The following FHIT variants were observed in gnomAD, a reference collection of about 807,000 sequenced individuals.
The protein encoded by FHIT is bis(5'-adenosyl)-triphosphatase.
In FHIT, 19 loss-of-function variants were observed where a neutral mutation model predicts 17.9. The observed-to-expected ratio is 1.06, with a 90% CI of 0.74 to 1.56. The LOEUF is 1.56. FHIT is among the 40% of genes most tolerant of loss of function. FHIT has a pLI of 0.00. For missense variants in FHIT, 248 were observed against 189.2 expected (o/e 1.31, Z -1.82); for synonymous variants, 81 against 69.7 (o/e 1.16, Z -0.81).
At chr3:60,273,911 A>G (rs1290946659) in intron 5 of FHIT, among the ~76,000 whole-genome samples, 2 of 152,218 alleles carry the variant, frequency 1.3e-5, no homozygotes, top group African/African-American at 4.8e-5. Flanking sequence ...AAAGTATCTC[A>G]TCTTTGTGTA....
At chr3:60,966,027 G>A (rs2107515106) in intron 3 of FHIT, among the ~76,000 whole-genome samples, 1 of 152,292 alleles carries the variant, frequency 6.6e-6, no homozygotes, top group East Asian at 1.9e-4. Context: ...GCTATGCCCT[G>A]ACCCTAGAGG....
chr3:60,683,931 A>G (rs2040806695), intron 4 of FHIT, among the ~76,000 whole-genome samples: 1 of 152,082 alleles, frequency 6.6e-6, no homozygotes, highest in African/African-American at 2.4e-5. Flanking sequence ...CATGTTCCTT[A>G]TCTTTTCTTT....
chr3:60,897,354 G>A (rs1203936700), intron 3 of FHIT, among the ~76,000 whole-genome samples: 1 of 152,116 alleles, frequency 6.6e-6, no homozygotes, highest in Non-Finnish European at 1.5e-5. Context: ...TCCTCAACGT[G>A]TAGTAACTTT....
intron 5 of FHIT, among the ~76,000 whole-genome samples, chr3:60,404,140 G>A (rs1701764114): frequency 6.6e-6 from 1 of 152,114 alleles, no homozygotes; most frequent in African/African-American, 2.4e-5. Context: ...CACAACCAAT[G>A]AGAATACTTT....
chr3:60,025,748 AAGAG>A (rs1314790219), intron 5 of FHIT, among the ~76,000 whole-genome samples: 2 of 151,984 alleles, frequency 1.3e-5, no homozygotes, highest in Admixed American at 6.6e-5. Context: ...AAAAAAAAAA[AAGAG>A]AGAGTGAAAA....
chr3:61,149,830 T>C (rs1436225607), intron 2 of FHIT, among the ~76,000 whole-genome samples: 1 of 152,122 alleles, frequency 6.6e-6, no homozygotes, highest in Non-Finnish European at 1.5e-5. Flanking sequence ...CAATGGGCCA[T>C]GATTGTGCCA....
intron 5 of FHIT, among the ~76,000 whole-genome samples, chr3:60,339,299 A>G (rs1254126713): frequency 6.6e-6 from 1 of 152,070 alleles, no homozygotes. Context: ...TTAAAGAGAG[A>G]TTCATTTTGA....
intron 2 of FHIT, among the ~76,000 whole-genome samples, chr3:61,083,224 A>T (rs1383049478): frequency 6.6e-6 from 1 of 152,236 alleles, no homozygotes; most frequent in African/African-American, 2.4e-5. Flanking sequence ...ATGTGACTCA[A>T]AGTTTTTTAG....
chr3:60,426,685 C>T (rs1437351240), intron 5 of FHIT, among the ~76,000 whole-genome samples: 2 of 152,086 alleles, frequency 1.3e-5, no homozygotes, highest in African/African-American at 2.4e-5. Context: ...AATTATTCAC[C>T]GTTTGATCAT....
At position 60,667,876 on chromosome 3, in the gene FHIT, G is replaced by A. The variant is rs1166996622; in HGVS notation, c.-17-130897C>T. On this transcript the variant is annotated intron_variant, in intron 4 of 9. Transcript: ENST00000492590. ...TTCTGCTTGATTAATCTGGTTGCAA[G>A]AGGCCACTGGTTCCTGCCTCTACCC... Among the ~76,000 whole-genome samples, 4 of 152,094 alleles carry A rather than the reference G, an allele frequency of 2.6e-5. No homozygotes were observed. In the East Asian group the frequency reaches 7.8e-4, roughly 30 times the overall value.
intron 2 of FHIT, among the ~76,000 whole-genome samples, chr3:61,187,377 C>G (rs1346107541): frequency 1.3e-5 from 2 of 152,114 alleles, no homozygotes; most frequent in Non-Finnish European, 2.9e-5. Context: ...ACAAGAAGAG[C>G]TAACTATCCT....
At chr3:60,871,537 TC>T (rs1553755034) in intron 3 of FHIT, among the ~76,000 whole-genome samples, 2 of 152,188 alleles carry the variant, frequency 1.3e-5, no homozygotes, top group Non-Finnish European at 2.9e-5. Flanking sequence ...CTTTCCAAGT[TC>T]CAGCCTGTTT....
intron 3 of FHIT, among the ~76,000 whole-genome samples, chr3:60,983,309 G>A (rs985242290): frequency 6.6e-6 from 1 of 152,104 alleles, no homozygotes; most frequent in African/African-American, 2.4e-5. Flanking sequence ...GGAAGGGACG[G>A]AGAACAAGCA....
At chr3:60,453,574 G>A (rs2031889906) in intron 5 of FHIT, among the ~76,000 whole-genome samples, 1 of 152,170 alleles carries the variant, frequency 6.6e-6, no homozygotes, top group Non-Finnish European at 1.5e-5. Flanking sequence ...TATGGGTCAT[G>A]TCTATGCCTT....
intron 5 of FHIT, among the ~76,000 whole-genome samples, chr3:60,129,752 C>T (rs1699453897): frequency 6.6e-6 from 1 of 152,116 alleles, no homozygotes; most frequent in South Asian, 2.1e-4. Flanking sequence ...GATATAAAAC[C>T]CTCTCAGATT....
rs574216946 is a variant in FHIT, at chr3:60,652,317, T to C, written c.-17-115338A>G. ...TATCATTAGTGTTAAAACCTCACTC[T>C]AGGCCAGGCGTGGTAGTTCACGTCT... On this transcript the variant is annotated intron_variant, in intron 4 of 9. Transcript: ENST00000492590. 2.6e-5 allele frequency among the ~76,000 whole-genome samples: 4 copies of C among 152,306 alleles called. No homozygotes were observed. In the South Asian group the frequency reaches 8.3e-4, roughly 32 times the overall value.
At chr3:60,095,950 C>T (rs1052887702) in intron 5 of FHIT, among the ~76,000 whole-genome samples, 2 of 152,096 alleles carry the variant, frequency 1.3e-5, no homozygotes, top group African/African-American at 4.8e-5. Context: ...ACGTCACCTC[C>T]CCAGGTGGCT....
intron 1 of FHIT, among the ~76,000 whole-genome samples, chr3:61,209,232 C>G (rs953858843): frequency 2.9e-4 from 44 of 152,322 alleles, no homozygotes; most frequent in Admixed American, 2.1e-3. Context: ...CGACCTTTCT[C>G]TCTGGCTGCC....
chr3:60,569,548 G>A (rs985288279), intron 4 of FHIT, among the ~76,000 whole-genome samples: 16 of 151,510 alleles, frequency 1.1e-4, no homozygotes, highest in South Asian at 4.2e-4. Context: ...ACACCAGGAC[G>A]ATATAGTAGA....
Sources: gnomAD v4.1 joint callset for allele counts (sites outside exome capture counted in the v4.1 genomes callset) on GRCh38, gnomAD v4.1.1 for gene constraint, MANE v1.5 for transcripts, NCBI Gene and HGNC (gene_info 2026-07-23, HGNC 2026-07-21) for gene names.